Variants in ASAP1 observed in about 807,000 individuals in gnomAD.
ASAP1 encodes the protein arf-GAP with SH3 domain, ANK repeat and PH domain-containing protein 1.
Under a neutral mutation model 145.2 loss-of-function variants are expected in ASAP1, and 43 were observed. The observed-to-expected ratio is 0.30, with a 90% CI of 0.23 to 0.38. ASAP1 has a LOEUF of 0.38. Among genes scored for constraint, ASAP1 ranks in the 10% least tolerant of loss-of-function variants. The probability of loss-of-function intolerance (pLI) is 1.00; values close to 1 mark genes in which losing one functional copy is unlikely to be tolerated. For missense variants in ASAP1, 1,018 were observed against 1,355.3 expected, an observed-to-expected ratio of 0.75 and a Z score of 3.91; for synonymous variants, 546 against 515.5, an observed-to-expected ratio of 1.06 and a Z score of -0.80.
Position 130,401,973 on chromosome 8 carries a change from G to T in ASAP1, c.-27-3C>A. The T allele has an allele frequency of 6.2e-7, 1 of 1,604,936 alleles. No homozygotes were observed. The highest frequency in any genetic ancestry group is 8.5e-7 in the Non-Finnish European group (1 of 1,174,070). On this transcript the variant is annotated splice_polypyrimidine_tract_variant and splice_region_variant and intron_variant, in intron 1 of 29. Transcript: ENST00000518721. ...CAGCCGTCACATCAGAAAACGACCT[G>T]GATAGGGGGCAGGACAAAAAGGGGA...
intron 2 of ASAP1, among the ~76,000 whole-genome samples, chr8:130,367,081 G>T (rs994494479): frequency 6.6e-6 from 1 of 151,494 alleles, no homozygotes; most frequent in African/African-American, 2.4e-5. Flanking sequence ...TAGTAGAGAC[G>T]GGGTTTCACC....
At chr8:130,115,113 T>C (rs1042380751) in intron 23 of ASAP1, among the ~76,000 whole-genome samples, 4 of 152,222 alleles carry the variant, frequency 2.6e-5, no homozygotes, top group Non-Finnish European at 4.4e-5. Context: ...TTTGGTCAAA[T>C]ACTAGTCTAG....
intron 14 of ASAP1, among the ~76,000 whole-genome samples, chr8:130,136,448 G>T (rs1283137944): frequency 6.6e-6 from 1 of 152,128 alleles, no homozygotes; most frequent in African/African-American, 2.4e-5. Context: ...GCTAGATTTT[G>T]CAGGGATATA....
intron 3 of ASAP1, among the ~76,000 whole-genome samples, chr8:130,255,057 A>G (rs1421039097): frequency 6.6e-6 from 1 of 152,188 alleles, no homozygotes; most frequent in African/African-American, 2.4e-5. Flanking sequence ...AAATGTCTCG[A>G]AAGTCATCTC....
At chr8:130,254,630 G>A (rs1440398888) in intron 3 of ASAP1, among the ~76,000 whole-genome samples, 1 of 151,976 alleles carries the variant, frequency 6.6e-6, no homozygotes, top group Non-Finnish European at 1.5e-5. Context: ...AACTCAAAAG[G>A]TCCCCTTTCA....
At position 130,054,589 on chromosome 8, in the gene ASAP1, C is replaced by T; in HGVS notation, c.*142G>A. The T allele has an allele frequency of 1.5e-6, 1 of 679,018 alleles. No individual in the cohort carries two copies. Among genetic ancestry groups the T allele is most frequent in the African/African-American group, 1.8e-5 (1 of 56,086 alleles). The allele number at this position is 679,018 out of a possible 1,614,324, so 42.1% of individuals were successfully genotyped here. A position where few individuals can be genotyped will look rare whatever the true frequency, so the allele number is the denominator to read the frequency against. ...AGAAAACCACAGGATATTTACAACA[C>T]ACATTATATCCCCCTCCTGAGGTGG... On this transcript the variant is annotated 3_prime_UTR_variant, in exon 30 of 30. Coordinates refer to ENST00000518721, the MANE Select transcript of ASAP1 (RefSeq NM_018482.4).
chr8:130,336,225 T>A (rs1368875569), intron 3 of ASAP1, among the ~76,000 whole-genome samples: 1 of 152,210 alleles, frequency 6.6e-6, no homozygotes, highest in Non-Finnish European at 1.5e-5. Flanking sequence ...TCGAACTTAA[T>A]AATCACAGTG....
At chr8:130,158,583 G>A (rs969820171) in intron 12 of ASAP1, among the ~76,000 whole-genome samples, 2 of 152,126 alleles carry the variant, frequency 1.3e-5, no homozygotes, top group Non-Finnish European at 2.9e-5. Flanking sequence ...CTGTGAAGCA[G>A]AATCATTTGT....
chr8:130,052,863 C>T lies in ASAP1; in HGVS notation c.*1868G>A, dbSNP rs1237618448. 6.6e-6 allele frequency: 1 copy of T among 151,910 alleles called. No homozygotes were observed. Among genetic ancestry groups the T allele is most frequent in the Non-Finnish European group, 1.5e-5 (1 of 68,004 alleles). 9.4% of individuals were successfully genotyped at this position (151,910 alleles called of 1,614,324 possible). ...ATGAATGACCGGGACACTGAGCAAC[C>T]TCAGATGCAGACTTCCATCCGGACA... is the stretch of plus-strand genomic sequence containing the variant. On this transcript the variant is annotated 3_prime_UTR_variant, in exon 30 of 30. Transcript: ENST00000518721.
intron 15 of ASAP1, among the ~76,000 whole-genome samples, chr8:130,133,632 C>T (rs1025892651): frequency 4.6e-5 from 7 of 151,030 alleles, no homozygotes; most frequent in Non-Finnish European, 7.4e-5. Flanking sequence ...GTCCGCAGTC[C>T]GGCCTGGGCG....
chr8:130,357,931 C>T lies in ASAP1; in HGVS notation c.186+86G>A, dbSNP rs558917718. ...GTGTGGCGCCCCCGGCCCCCGCGTCCCCTTCCTCCCAGCTCGGAGAGGAGA... is the reference window on the plus strand; with the variant it reads ...GTGTGGCGCCCCCGGCCCCCGCGTCTCCTTCCTCCCAGCTCGGAGAGGAGA... On this transcript the variant is annotated intron_variant, in intron 3 of 29. Coordinates refer to ENST00000518721, the MANE Select transcript of ASAP1 (RefSeq NM_018482.4). 466 of 1,495,798 alleles carry T rather than the reference C, an allele frequency of 3.1e-4. 1 individual carries two copies. The African/African-American group carries it at 3.7e-3, about 12-fold the overall frequency. 92.7% of individuals were successfully genotyped at this position (1,495,798 alleles called of 1,614,324 possible).
At chr8:130,158,207 T>C (rs564418139) in intron 12 of ASAP1, among the ~76,000 whole-genome samples, 3 of 151,016 alleles carry the variant, frequency 2.0e-5, no homozygotes, top group South Asian at 4.2e-4. Context: ...AGCTTTCTTT[T>C]AAAAAAAAAC....
chr8:130,376,430 A>AAAAACAAAACAAAAC (rs113593640), intron 2 of ASAP1, among the ~76,000 whole-genome samples: 41 of 151,576 alleles, frequency 2.7e-4, no homozygotes, highest in South Asian at 6.2e-4. Context: ...TTGCTTCCTT[A>AAAAACAAAACAAAAC]AAAACAAAAC....
intron 12 of ASAP1, among the ~76,000 whole-genome samples, chr8:130,155,621 A>C (rs1242195129): frequency 6.6e-6 from 1 of 152,242 alleles, no homozygotes; most frequent in Non-Finnish European, 1.5e-5. Context: ...TGTTGGGATT[A>C]CAGGCATGAG....
At position 130,116,687 on chromosome 8, in the gene ASAP1, A is replaced by G. The variant is rs1376785993; in HGVS notation, c.2055T>C (p.Cys685=). Reference sequence around the variant, plus strand: ...GTCCATTTTTGCTTACCAGATCTTCACACTGGGTAGCTTTTAGTCTCTTTG... The same window carrying G: ...GTCCATTTTTGCTTACCAGATCTTCGCACTGGGTAGCTTTTAGTCTCTTTG... ...DIAKRLKATQ[C]EDLLSQAKSG... is the part of the protein sequence containing the mutation. Residue 685 remains cysteine, a synonymous_variant, in exon 22 of 30, where the codon TGT becomes TGC. Transcript: ENST00000518721. The G allele has an allele frequency of 6.2e-7, 1 of 1,613,928 alleles. No individual in the cohort carries two copies. Among genetic ancestry groups the G allele is most frequent in the Non-Finnish European group, 8.5e-7 (1 of 1,179,964 alleles).
At chr8:130,388,740 A>T (rs533920550) in intron 2 of ASAP1, among the ~76,000 whole-genome samples, 1 of 152,320 alleles carries the variant, frequency 6.6e-6, no homozygotes, top group Non-Finnish European at 1.5e-5. Flanking sequence ...GATGATTCGC[A>T]GAAGCTGAGT....
intron 3 of ASAP1, among the ~76,000 whole-genome samples, chr8:130,316,369 A>G (rs921003879): frequency 1.3e-5 from 2 of 151,890 alleles, no homozygotes; most frequent in Non-Finnish European, 2.9e-5. Flanking sequence ...TCTCTTTTCT[A>G]CTCCAAGTAT....
chr8:130,112,865 G>A (rs553172366), intron 23 of ASAP1, among the ~76,000 whole-genome samples: 7 of 152,280 alleles, frequency 4.6e-5, no homozygotes, highest in Non-Finnish European at 1.0e-4. Flanking sequence ...TGGCCCATGA[G>A]GTATCTCTGG....
At chr8:130,258,215 T>A (rs1364067529) in intron 3 of ASAP1, among the ~76,000 whole-genome samples, 2 of 152,174 alleles carry the variant, frequency 1.3e-5, no homozygotes, top group African/African-American at 2.4e-5. Context: ...CACGTTTAGA[T>A]GCTTGAGGAG....
Sources: gnomAD v4.1 joint callset for allele counts (sites outside exome capture counted in the v4.1 genomes callset) on GRCh38, gnomAD v4.1.1 for gene constraint, MANE v1.5 for transcripts, NCBI Gene and HGNC (gene_info 2026-07-23, HGNC 2026-07-21) for gene names.